Variants in MAPKAP1 observed in about 807,000 individuals in gnomAD.
MAPKAP1 encodes the protein MAPK associated protein 1.
A neutral mutation model predicts 65.7 loss-of-function variants in MAPKAP1; 20 were observed. The ratio of observed to expected loss-of-function variants is 0.30; its 90% CI spans 0.21 to 0.44. MAPKAP1 has a LOEUF of 0.44. MAPKAP1 is among the 20% of genes least tolerant of loss of function. The pLI is 1.00. For synonymous variants in MAPKAP1, 222 were observed against 244.3 expected (o/e 0.91, Z 0.85); for missense variants, 423 against 648.0 (o/e 0.65, Z 3.77).
intron 10 of MAPKAP1, among the ~76,000 whole-genome samples, chr9:125,456,622 AGC>A (rs1853172014): frequency 6.6e-6 from 1 of 152,214 alleles, no homozygotes; most frequent in East Asian, 1.9e-4. Context: ...ATTCCTTGCT[AGC>A]ACTCTCTCAC....
At chr9:125,514,398 T>C (rs1244460092) in intron 7 of MAPKAP1, among the ~76,000 whole-genome samples, 1 of 152,188 alleles carries the variant, frequency 6.6e-6, no homozygotes, top group Admixed American at 6.5e-5. Context: ...TGGTGCATTG[T>C]TGATGCTCAA....
chr9:125,699,657 C>G (rs1456012318), intron 1 of MAPKAP1, among the ~76,000 whole-genome samples: 1 of 144,860 alleles, frequency 6.9e-6, no homozygotes, highest in Admixed American at 6.9e-5. Flanking sequence ...TTTTTTGAGA[C>G]AGTCTTGCTC....
intron 4 of MAPKAP1, among the ~76,000 whole-genome samples, chr9:125,636,422 TAG>T (rs1209344506): frequency 6.6e-6 from 1 of 152,172 alleles, no homozygotes; most frequent in Non-Finnish European, 1.5e-5. Context: ...CAAGATACAA[TAG>T]AGACAAATTA....
chr9:125,666,229 T>G (rs1834335966), intron 3 of MAPKAP1, among the ~76,000 whole-genome samples: 3 of 152,250 alleles, frequency 2.0e-5, no homozygotes, highest in Non-Finnish European at 2.9e-5. Context: ...GTATTTCATT[T>G]ATCATGTGGT....
intron 4 of MAPKAP1, among the ~76,000 whole-genome samples, chr9:125,619,402 G>A (rs1301170247): frequency 2.6e-5 from 4 of 151,978 alleles, no homozygotes; most frequent in Non-Finnish European, 4.4e-5. Context: ...GCTTGAACCC[G>A]GGAGGCGGAG....
intron 4 of MAPKAP1, among the ~76,000 whole-genome samples, chr9:125,622,989 G>C (rs1403165518): frequency 1.3e-5 from 2 of 152,058 alleles, no homozygotes; most frequent in Admixed American, 6.5e-5. Flanking sequence ...GTGGAGACGG[G>C]GTTTCGCTGT....
intron 1 of MAPKAP1, among the ~76,000 whole-genome samples, chr9:125,698,993 T>C (rs1224803178): frequency 1.3e-5 from 2 of 152,184 alleles, no homozygotes; most frequent in Non-Finnish European, 2.9e-5. Flanking sequence ...ATTAACATCC[T>C]GAATGTCTTA....
chr9:125,692,922 C>T lies in MAPKAP1; in HGVS notation c.-70+14049G>A, dbSNP rs571723359. ...GAAAAAGAGAACTGTCATATACCTT[C>T]GTGACCTGTGTAAAGGTAACTAACC... On this transcript the variant is annotated intron_variant, in intron 1 of 11. Transcript: ENST00000265960. Among the ~76,000 whole-genome samples the T allele has an allele frequency of 5.3e-5, 8 of 152,158 alleles. No homozygotes were observed. In the South Asian group the frequency reaches 6.2e-4, roughly 12 times the overall value.
At chr9:125,471,502 G>A (rs60021451) in intron 9 of MAPKAP1, 6,755 of 152,638 alleles carry the variant, frequency 0.044, 465 homozygotes, top group African/African-American at 0.15. Flanking sequence ...GGAGAAGGGA[G>A]TCAGAGAGGT....
Position 125,595,214 on chromosome 9 carries a change from T to C in MAPKAP1, c.499-9487A>G, listed in dbSNP as rs909532038. On this transcript the variant is annotated intron_variant, in intron 4 of 11. Coordinates refer to ENST00000265960, the MANE Select transcript of MAPKAP1 (RefSeq NM_001006617.3). This position sits in a 1 kb window ranked among gnomAD's most constrained non-coding sequence, Gnocchi z 4.0. ...AAGACTATGAATGTTTTGTAACTTG[T>C]GATATATACTGGAAAAGCTCAGTCT... Among the ~76,000 whole-genome samples, 2 of 152,222 alleles carry C rather than the reference T, an allele frequency of 1.3e-5. No individual in the cohort carries two copies. The highest frequency in any genetic ancestry group is 4.8e-5 in the African/African-American group (2 of 41,462).
intron 10 of MAPKAP1, among the ~76,000 whole-genome samples, chr9:125,457,647 C>T (rs571015446): frequency 1.6e-4 from 24 of 152,316 alleles, no homozygotes; most frequent in African/African-American, 5.8e-4. Context: ...ACTTGTGGAT[C>T]AGTTTGATCC....
At chr9:125,564,365 C>T (rs1589291368) in intron 5 of MAPKAP1, among the ~76,000 whole-genome samples, 1 of 152,200 alleles carries the variant, frequency 6.6e-6, no homozygotes, top group Admixed American at 6.5e-5. Flanking sequence ...ATTTAAGTCA[C>T]GAGCCCTCTT....
At chr9:125,613,612 T>A (rs1832663948) in intron 4 of MAPKAP1, among the ~76,000 whole-genome samples, 1 of 152,098 alleles carries the variant, frequency 6.6e-6, no homozygotes, top group Admixed American at 6.6e-5. Flanking sequence ...TCCACACAGA[T>A]GCTAATCCAG....
chr9:125,656,680 A>G (rs1395171309), intron 4 of MAPKAP1, among the ~76,000 whole-genome samples: 1 of 152,192 alleles, frequency 6.6e-6, no homozygotes, highest in Admixed American at 6.5e-5. Context: ...ATTAACTGCA[A>G]TGGCGCTGAA....
At chr9:125,688,266 G>A (rs1000563154) in intron 1 of MAPKAP1, among the ~76,000 whole-genome samples, 1 of 152,054 alleles carries the variant, frequency 6.6e-6, no homozygotes, top group Non-Finnish European at 1.5e-5. Flanking sequence ...AGCCTCCTAA[G>A]TAACTGGGAT....
chr9:125,649,972 C>A (rs1036062471), intron 4 of MAPKAP1, among the ~76,000 whole-genome samples: 1 of 152,096 alleles, frequency 6.6e-6, no homozygotes, highest in East Asian at 1.9e-4. Flanking sequence ...TCTTTCAGTG[C>A]TTCCTAACTC....
At chr9:125,631,420 A>C (rs947543237) in intron 4 of MAPKAP1, among the ~76,000 whole-genome samples, 7 of 152,212 alleles carry the variant, frequency 4.6e-5, no homozygotes, top group Non-Finnish European at 1.0e-4. Flanking sequence ...ATTTTCAGGC[A>C]ATGTTCACAT....
intron 9 of MAPKAP1, among the ~76,000 whole-genome samples, chr9:125,483,061 A>T (rs1046807029): frequency 6.6e-6 from 1 of 152,182 alleles, no homozygotes; most frequent in Admixed American, 6.5e-5. Context: ...CTCCTGAGTG[A>T]GCCCTCTGAG....
At chr9:125,597,354 A>G (rs1162902249) in intron 4 of MAPKAP1, among the ~76,000 whole-genome samples, 1 of 149,812 alleles carries the variant, frequency 6.7e-6, no homozygotes, top group Non-Finnish European at 1.5e-5. Flanking sequence ...TGGGAGGTTC[A>G]CTTGAGCCTG....
Sources: allele counts gnomAD v4.1 joint callset (sites outside exome capture counted in the v4.1 genomes callset), GRCh38; gene constraint gnomAD v4.1.1; non-coding constraint Gnocchi (gnomAD v3.1); transcripts MANE v1.5; gene names NCBI Gene and HGNC (gene_info 2026-07-23, HGNC 2026-07-21).